GPHN: variants seen among roughly 807,000 people sequenced by gnomAD.
GPHN encodes gephyrin.
A neutral mutation model predicts 95.5 loss-of-function variants in GPHN; 17 were observed. The observed-to-expected ratio is 0.18, with a 90% CI of 0.12 to 0.27. The LOEUF (loss-of-function observed/expected upper bound fraction) is 0.27, where lower values mean the gene tolerates loss of function less well. Among genes scored for constraint, GPHN ranks in the 10% least tolerant of loss-of-function variants. The pLI is 1.00. For missense variants in GPHN, 660 were observed against 978.1 expected, an observed-to-expected ratio of 0.67 and a Z score of 4.34; for synonymous variants, 320 against 322.5, an observed-to-expected ratio of 0.99 and a Z score of 0.08.
the GPHN span, chr14:67,587,134 C>G: frequency 1.9e-5 from 30 of 1,613,762 alleles, no homozygotes; most frequent in Non-Finnish European, 2.3e-5. Context: ...AACTGTGAAC[C>G]CCCCCACCAA....
At chr14:67,054,217 C>A (rs2075443683) in intron 10 of GPHN, among the ~76,000 whole-genome samples, 1 of 152,236 alleles carries the variant, frequency 6.6e-6, no homozygotes, top group African/African-American at 2.4e-5. Context: ...ACCCCATCAT[C>A]TCAGCCCCAA....
the GPHN span, among the ~76,000 whole-genome samples, chr14:67,725,703 T>C: frequency 2.0e-5 from 3 of 152,220 alleles, no homozygotes; most frequent in Non-Finnish European, 2.9e-5. Flanking sequence ...ACTGGATTCC[T>C]AGTGCCCAGC....
chr14:66,843,528 A>G lies in GPHN; in HGVS notation c.294+18962A>G, dbSNP rs113388476. On this transcript the variant is annotated intron_variant, in intron 4 of 22. Transcript: ENST00000478722. ...CTACCTATGGCTGCCCCATTAATTT[A>G]TTTGAGATATTGAAATCATCTCCTT... is the stretch of plus-strand genomic sequence containing the variant. 6.6e-5 allele frequency among the ~76,000 whole-genome samples: 10 copies of G among 152,234 alleles called. 2 individuals carry two copies. Among genetic ancestry groups the G allele is most frequent in the African/African-American group, 2.4e-4 (10 of 41,542 alleles).
At chr14:66,527,992 C>T (rs538608665) in intron 1 of GPHN, among the ~76,000 whole-genome samples, 7 of 152,156 alleles carry the variant, frequency 4.6e-5, no homozygotes, top group Non-Finnish European at 1.0e-4. Context: ...CTGCTTGGTC[C>T]AGAGCTGAGT....
chr14:67,347,501 T>TA, the GPHN span: 1 of 1,232,054 alleles, frequency 8.1e-7, no homozygotes, highest in East Asian at 3.0e-5. Flanking sequence ...TTAAGTTCTC[T>TA]CTTTTTTTTT....
At chr14:67,651,766 AAAG>A in the GPHN span, 1 of 269,418 alleles carries the variant, frequency 3.7e-6, no homozygotes, top group East Asian at 9.7e-5. Flanking sequence ...GCTTTTCTAG[AAAG>A]AAGGGTTAGC....
At chr14:67,290,783 C>T in the GPHN span, among the ~76,000 whole-genome samples, 1 of 152,162 alleles carries the variant, frequency 6.6e-6, no homozygotes, top group South Asian at 2.1e-4. Flanking sequence ...AGTCCACCTG[C>T]TTCAGTTTCC....
chr14:67,070,715 A>AAAAATATAT, intron 11 of GPHN, among the ~76,000 whole-genome samples: 6 of 80,742 alleles, frequency 7.4e-5, no homozygotes, highest in Non-Finnish European at 1.1e-4. Context: ...AAAAAAAAAA[A>AAAAATATAT]ATATATATAT....
chr14:67,692,377 A>G, the GPHN span: 1 of 1,562,666 alleles, frequency 6.4e-7, no homozygotes. Flanking sequence ...TTTTCCTTTT[A>G]GTTGAATCTG....
chr14:67,360,159 C>A, the GPHN span: 1 of 408,224 alleles, frequency 2.4e-6, no homozygotes, highest in Non-Finnish European at 4.3e-6. Context: ...CTATGTCTTT[C>A]TCGCGCCTTG....
chr14:66,585,549 C>G (rs1331274144), intron 1 of GPHN, among the ~76,000 whole-genome samples: 1 of 152,088 alleles, frequency 6.6e-6, no homozygotes. Flanking sequence ...TCCCTCTACA[C>G]ACTGCTTTAA....
intron 4 of GPHN, among the ~76,000 whole-genome samples, chr14:66,867,172 G>A (rs1027129835): frequency 6.6e-6 from 1 of 152,058 alleles, no homozygotes; most frequent in African/African-American, 2.4e-5. Flanking sequence ...AAGAAAAGAT[G>A]TTCATTAGCA....
chr14:66,626,671 T>TA (rs1464187218), intron 1 of GPHN, among the ~76,000 whole-genome samples: 12 of 152,122 alleles, frequency 7.9e-5, no homozygotes, highest in Middle Eastern at 3.2e-3. Flanking sequence ...CACAGTTAGG[T>TA]AATGAGGATG....
intron 1 of GPHN, among the ~76,000 whole-genome samples, chr14:66,605,261 T>C (rs1484883190): frequency 6.6e-6 from 1 of 152,166 alleles, no homozygotes; most frequent in Non-Finnish European, 1.5e-5. Context: ...TGTAAGTTTT[T>C]GAGACATCTC....
intron 16 of GPHN, among the ~76,000 whole-genome samples, chr14:67,120,855 G>A (rs1047155808): frequency 1.3e-5 from 2 of 152,218 alleles, no homozygotes; most frequent in East Asian, 3.8e-4. Flanking sequence ...AGTTAAATTA[G>A]TAAGTATTCG....
chr14:66,640,350 A>C (rs2064326594), intron 1 of GPHN, among the ~76,000 whole-genome samples: 1 of 152,184 alleles, frequency 6.6e-6, no homozygotes, highest in Non-Finnish European at 1.5e-5. Flanking sequence ...TGAACCTTGG[A>C]GGCAAAGGTT....
At chr14:67,027,124 A>G (rs1215070197) in intron 10 of GPHN, among the ~76,000 whole-genome samples, 1 of 152,220 alleles carries the variant, frequency 6.6e-6, no homozygotes, top group Non-Finnish European at 1.5e-5. Flanking sequence ...TTGTTTTATT[A>G]CCACGTGTTA....
chr14:66,867,213 A>G (rs1430416338), intron 4 of GPHN, among the ~76,000 whole-genome samples: 1 of 152,184 alleles, frequency 6.6e-6, no homozygotes, highest in Non-Finnish European at 1.5e-5. Flanking sequence ...TAAAAGTGAG[A>G]TGCCTTTTAC....
intron 9 of GPHN, among the ~76,000 whole-genome samples, chr14:66,984,581 A>G (rs1052882929): frequency 1.3e-5 from 2 of 152,210 alleles, no homozygotes; most frequent in African/African-American, 2.4e-5. Flanking sequence ...TCCATATGCT[A>G]TCAGAGATCT....
Sources: allele counts gnomAD v4.1 joint callset (sites outside exome capture counted in the v4.1 genomes callset), GRCh38; gene constraint gnomAD v4.1.1; transcripts MANE v1.5; gene names NCBI Gene and HGNC (gene_info 2026-07-23, HGNC 2026-07-21).